ZNF107: variants seen among roughly 807,000 people sequenced by gnomAD.
ZNF107 encodes the protein C2H2 type zinc-finger protein.
In ZNF107, 19 loss-of-function variants were observed where a neutral mutation model predicts 12.3. The ratio of observed to expected loss-of-function variants is 1.55; its 90% CI spans 1.08 to 2.27. The LOEUF is 2.27. ZNF107 is among the 30% of genes most tolerant of loss of function. ZNF107 has a pLI of 0.00. For synonymous variants in ZNF107, 317 were observed against 330.5 expected (o/e 0.96, Z 0.44); for missense variants, 958 against 979.9 (o/e 0.98, Z 0.30).
At chr7:64,686,274 C>T (rs1194306174) in intron 1 of ZNF107, among the ~76,000 whole-genome samples, 10 of 152,144 alleles carry the variant, frequency 6.6e-5, no homozygotes, top group Non-Finnish European at 8.8e-5. Flanking sequence ...TGGAGCTGGG[C>T]GTTGTGGCTT....
chr7:64,696,350 C>G (rs1790287747), intron 3 of ZNF107, among the ~76,000 whole-genome samples: 1 of 151,484 alleles, frequency 6.6e-6, no homozygotes, highest in Non-Finnish European at 1.5e-5. Context: ...ATCCAGCCTA[C>G]AGTTTTTTTA....
chr7:64,681,165 G>A (rs1338773022), intron 1 of ZNF107, among the ~76,000 whole-genome samples: 1 of 151,992 alleles, frequency 6.6e-6, no homozygotes, highest in Non-Finnish European at 1.5e-5. Context: ...GACACTGCCC[G>A]AACACCTCGG....
intron 1 of ZNF107, chr7:64,669,239 C>G (rs1000973315): frequency 1.3e-5 from 2 of 151,640 alleles, no homozygotes; most frequent in African/African-American, 4.8e-5. Context: ...TGGCCTTGAA[C>G]TCCTGACCTC....
intron 1 of ZNF107, chr7:64,687,545 G>A: frequency 3.0e-6 from 3 of 985,418 alleles, no homozygotes; most frequent in Non-Finnish European, 3.6e-6. Context: ...CCAGGAGACG[G>A]CAAGCAGGAG....
At position 64,666,167 on chromosome 7, in the gene ZNF107, C is replaced by G. The variant is rs1788991268; in HGVS notation, c.-116C>G. The G allele has an allele frequency of 1.4e-6, 2 of 1,419,046 alleles. No homozygotes were observed. Among genetic ancestry groups the G allele is most frequent in the Middle Eastern group, 1.8e-4 (1 of 5,576 alleles). 87.9% of individuals were successfully genotyped at this position (1,419,046 alleles called of 1,614,324 possible). Reference sequence around the variant, plus strand: ...TCTGGCTGCAGCCGGAGCTCCTGCTCTCCTCCTCACTGCTCAGTGTCCTCT... The same window carrying G: ...TCTGGCTGCAGCCGGAGCTCCTGCTGTCCTCCTCACTGCTCAGTGTCCTCT... On this transcript the variant is annotated 5_prime_UTR_variant, in exon 1 of 4. Coordinates refer to ENST00000620827, the MANE Select transcript of ZNF107 (RefSeq NM_001282359.2).
At chr7:64,672,743 G>A (rs1789281647) in intron 1 of ZNF107, among the ~76,000 whole-genome samples, 2 of 152,184 alleles carry the variant, frequency 1.3e-5, no homozygotes, top group Non-Finnish European at 2.9e-5. Flanking sequence ...TAGTGCTGCA[G>A]TGAACATGCA....
intron 1 of ZNF107, chr7:64,686,399 T>A: frequency 1.5e-5 from 7 of 466,740 alleles, no homozygotes; most frequent in Non-Finnish European, 2.0e-5. Context: ...TACCAATCAA[T>A]CTATGCGACA....
At chr7:64,698,940 A>T (rs1462722722) in intron 3 of ZNF107, among the ~76,000 whole-genome samples, 1 of 152,146 alleles carries the variant, frequency 6.6e-6, no homozygotes, top group Non-Finnish European at 1.5e-5. Context: ...TGAAAAGATT[A>T]TCTTTTCCCT....
intron 3 of ZNF107, among the ~76,000 whole-genome samples, chr7:64,704,014 TAA>T (rs35471155): frequency 1.7e-3 from 257 of 150,016 alleles, no homozygotes; most frequent in African/African-American, 5.7e-3. Context: ...TATAATCTAG[TAA>T]AAAAAAAATC....
chr7:64,671,565 G>A (rs1789222534), intron 1 of ZNF107, among the ~76,000 whole-genome samples: 1 of 152,108 alleles, frequency 6.6e-6, no homozygotes, highest in African/African-American at 2.4e-5. Context: ...CCCCATCTGG[G>A]CCACTATCTG....
At chr7:64,686,245 G>C (rs545510886) in intron 1 of ZNF107, among the ~76,000 whole-genome samples, 1 of 152,224 alleles carries the variant, frequency 6.6e-6, no homozygotes, top group East Asian at 1.9e-4. Context: ...ATGTCTTTCA[G>C]ACTTTTAACA....
rs369151114 is a variant in ZNF107 at position 64,697,163 on chromosome 7, C to T, written c.226+5203C>T. Among the ~76,000 whole-genome samples, 19 of 152,294 alleles carry T rather than the reference C, an allele frequency of 1.2e-4. No homozygotes were observed. The East Asian group carries it at 1.5e-3, about 12-fold the overall frequency. Reference sequence around the variant, plus strand: ...GACATGAACTCATCCTTTTTTATGGCTGCATAGTATTCCATGGTGTATATG... The same window carrying T: ...GACATGAACTCATCCTTTTTTATGGTTGCATAGTATTCCATGGTGTATATG... On this transcript the variant is annotated intron_variant, in intron 3 of 3. Coordinates refer to ENST00000620827, the MANE Select transcript of ZNF107 (RefSeq NM_001282359.2).
chr7:64,687,029 T>G, intron 1 of ZNF107: 1 of 985,456 alleles, frequency 1.0e-6, no homozygotes, highest in Non-Finnish European at 1.2e-6. Flanking sequence ...TACAGAGAAA[T>G]GTGTTTTAGG....
In ZNF107 at chr7:64,707,452, C is replaced by T; in HGVS notation, c.1355C>T (p.Ser452Phe). 6.2e-7 allele frequency: 1 copy of T among 1,613,068 alleles called. No individual in the cohort carries two copies. The highest frequency in any genetic ancestry group is 8.5e-7 in the Non-Finnish European group (1 of 1,179,572). The stretch of plus-strand genomic sequence containing the variant: ...AAGAAAATTCATACTGCAGAGAAAT[C>T]CTATAAATGTGAAGAATGTGGCAAA... ...EHKKIHTAEKSYKCEECGKAF... is the reference protein window; with the variant it reads ...EHKKIHTAEKFYKCEECGKAF... Residue 452 changes from serine to phenylalanine, a missense_variant, in exon 4 of 4, where the codon TCC becomes TTC. Transcript: ENST00000620827.
At chr7:64,697,893 C>T (rs551155206) in intron 3 of ZNF107, among the ~76,000 whole-genome samples, 17 of 152,136 alleles carry the variant, frequency 1.1e-4, no homozygotes, top group Non-Finnish European at 1.8e-4. Context: ...GGGGTTTCAC[C>T]GTGGTCTCGA....
chr7:64,667,113 G>C lies in ZNF107; in HGVS notation c.3+828G>C, dbSNP rs140502000. Among the ~76,000 whole-genome samples the C allele has an allele frequency of 2.6e-5, 4 of 152,158 alleles. No homozygotes were observed. The South Asian group carries it at 8.3e-4, about 32-fold the overall frequency. Reference sequence around the variant, plus strand: ...TTAGTTATTTTCACACTCCACAGGGGACAGATTTTCCCCTGCAACTTTCAC... The same window carrying C: ...TTAGTTATTTTCACACTCCACAGGGCACAGATTTTCCCCTGCAACTTTCAC... On this transcript the variant is annotated intron_variant, in intron 1 of 3. Transcript: ENST00000620827.
intron 3 of ZNF107, among the ~76,000 whole-genome samples, chr7:64,702,415 G>A (rs11974709): frequency 0.35 from 52,851 of 151,932 alleles, 9,696 homozygotes; most frequent in Non-Finnish European, 0.4. Context: ...GATTACAGGC[G>A]TGAGCCACCG....
intron 1 of ZNF107, chr7:64,684,857 T>G (rs1789839255): frequency 2.5e-6 from 1 of 404,368 alleles, no homozygotes; most frequent in African/African-American, 2.2e-5. Flanking sequence ...CCACTTCCAG[T>G]AATGCCTAAT....
At chr7:64,679,438 T>A (rs1451706801) in intron 1 of ZNF107, 1 of 886,186 alleles carries the variant, frequency 1.1e-6, no homozygotes, top group East Asian at 1.2e-4. Flanking sequence ...GGATTATCTC[T>A]GGGAAGACAG....
Sources: gnomAD v4.1 joint callset for allele counts (sites outside exome capture counted in the v4.1 genomes callset) on GRCh38, gnomAD v4.1.1 for gene constraint, MANE v1.5 for transcripts, NCBI Gene and HGNC (gene_info 2026-07-23, HGNC 2026-07-21) for gene names.